The following CD200R1L variants were observed in gnomAD, a reference collection of about 807,000 sequenced individuals.
CD200R1L encodes CD200 receptor 1 like.
Under a neutral mutation model 24.8 loss-of-function variants are expected in CD200R1L, and 14 were observed. The ratio of observed to expected loss-of-function variants is 0.56; its 90% CI spans 0.37 to 0.88. The LOEUF (loss-of-function observed/expected upper bound fraction) is 0.88. CD200R1L is among the 40% of genes least tolerant of loss of function. CD200R1L has a pLI of 0.00. For missense variants in CD200R1L, 299 were observed against 297.8 expected, an observed-to-expected ratio of 1.00 and a Z score of -0.03; for synonymous variants, 111 against 109.2, an observed-to-expected ratio of 1.02 and a Z score of -0.11.
intron 3 of CD200R1L, among the ~76,000 whole-genome samples, chr3:112,830,049 A>G (rs923773727): frequency 6.6e-6 from 1 of 152,208 alleles, no homozygotes; most frequent in Non-Finnish European, 1.5e-5. Flanking sequence ...CTTTGCTGCA[A>G]CTGTCTTACA....
chr3:112,844,277 G>A (rs1208173741), intron 2 of CD200R1L, among the ~76,000 whole-genome samples: 1 of 152,016 alleles, frequency 6.6e-6, no homozygotes, highest in Admixed American at 6.6e-5. Flanking sequence ...CGTGCTCTGA[G>A]GTCAGCCACA....
Position 112,827,201 on chromosome 3 carries a change from A to G in CD200R1L, c.408T>C (p.Thr136=). Residue 136 remains threonine, a synonymous_variant, in exon 6 of 8, where the codon ACT becomes ACC. Coordinates refer to ENST00000488794, the MANE Select transcript of CD200R1L (RefSeq NM_001199215.3). ...TCCCTGTAACTGCCTTGCATACTGC[A>G]GTTATATTCCTGCTTTGAAATAGGT... The part of the protein sequence containing the change: ...EVNLFQSRNI[T]AVCKAVTGKP... 6.2e-7 allele frequency: 1 copy of G among 1,613,430 alleles called. No homozygotes were observed. The highest frequency in any genetic ancestry group is 8.5e-7 in the Non-Finnish European group (1 of 1,179,904).
intron 7 of CD200R1L, among the ~76,000 whole-genome samples, chr3:112,818,458 C>T (rs926731941): frequency 6.6e-6 from 1 of 152,228 alleles, no homozygotes; most frequent in African/African-American, 2.4e-5. Context: ...AATGCAAATA[C>T]TGCTAAAAAT....
chr3:112,816,062 T>A, intron 7 of CD200R1L, 87 bp from the exon 8 acceptor site: 1 of 739,582 alleles, frequency 1.4e-6, no homozygotes, highest in Non-Finnish European at 2.5e-6. Context: ...AACTGAGAAA[T>A]GCCTTTTAGC....
intron 3 of CD200R1L, among the ~76,000 whole-genome samples, chr3:112,830,590 G>T (rs1187895178): frequency 1.5e-5 from 2 of 136,772 alleles, no homozygotes; most frequent in African/African-American, 5.6e-5. Context: ...TATTTCCCAT[G>T]CTGTTACCAT....
intron 6 of CD200R1L, among the ~76,000 whole-genome samples, chr3:112,822,625 C>T (rs7651207): frequency 0.32 from 47,987 of 151,974 alleles, 8,552 homozygotes; most frequent in Non-Finnish European, 0.4. Context: ...CCCTATGCAT[C>T]TCTTTTTATC....
intron 7 of CD200R1L, among the ~76,000 whole-genome samples, chr3:112,817,687 G>A (rs188276234): frequency 6.6e-6 from 1 of 152,354 alleles, no homozygotes; most frequent in African/African-American, 2.4e-5. Context: ...ACACTGAGAT[G>A]TAGGGCCTGT....
chr3:112,821,046 G>A (rs1938523704), intron 6 of CD200R1L, among the ~76,000 whole-genome samples: 1 of 146,712 alleles, frequency 6.8e-6, no homozygotes, highest in Non-Finnish European at 1.5e-5. Context: ...GACAGATTGA[G>A]ACTCTGTCTC....
At chr3:112,818,487 A>G (rs920762465) in intron 7 of CD200R1L, among the ~76,000 whole-genome samples, 2 of 152,248 alleles carry the variant, frequency 1.3e-5, no homozygotes, top group Non-Finnish European at 2.9e-5. Flanking sequence ...CATTTACTCA[A>G]TAATCAGTCC....
At position 112,815,984 on chromosome 3, in the gene CD200R1L, A is replaced by T; in HGVS notation, c.741-9T>A. 1 of 780,324 alleles carries T rather than the reference A, an allele frequency of 1.3e-6. No homozygotes were observed. Among genetic ancestry groups the T allele is most frequent in the Non-Finnish European group, 2.4e-6 (1 of 417,730 alleles). The allele number at this position is 780,324 out of a possible 1,614,324, so 48.3% of individuals were successfully genotyped here. A position where few individuals can be genotyped will look rare whatever the true frequency, so the allele number is the denominator to read the frequency against. On this transcript the variant is annotated splice_polypyrimidine_tract_variant and intron_variant, in intron 7 of 7. Coordinates refer to ENST00000488794, the MANE Select transcript of CD200R1L (RefSeq NM_001199215.3). The stretch of plus-strand genomic sequence containing the variant: ...TTCTTTAAAGAACTTTTCTGAAAGT[A>T]TTACACAAGATTTGTATTTATATCT...
Position 112,821,494 on chromosome 3 carries a change from A to T in CD200R1L, c.617-1599T>A, listed in dbSNP as rs1014145183. Among the ~76,000 whole-genome samples, 6 of 152,222 alleles carry T rather than the reference A, an allele frequency of 3.9e-5. No homozygotes were observed. The East Asian group carries it at 1.2e-3, about 29-fold the overall frequency. On this transcript the variant is annotated intron_variant, in intron 6 of 7. Transcript: ENST00000488794. ...CTCTGTGTTCACCTTATCATAATTGACTATTCCTCTAATTGCTCCTTTTCT... is the reference window on the plus strand; with the variant it reads ...CTCTGTGTTCACCTTATCATAATTGTCTATTCCTCTAATTGCTCCTTTTCT...
rs201637018 is a variant in CD200R1L, at chr3:112,829,402, A to G, written c.-17-18T>C. On this transcript the variant is annotated intron_variant, in intron 3 of 7. Coordinates refer to ENST00000488794, the MANE Select transcript of CD200R1L (RefSeq NM_001199215.3). The stretch of plus-strand genomic sequence containing the variant: ...ACTTGAAGCTAGAAAACATTTAGAG[A>G]AGAATAAGCGAAATCAATTTTATGT... 1.2e-6 allele frequency: 2 copies of G among 1,607,950 alleles called. No homozygotes were observed. The highest frequency in any genetic ancestry group is 2.7e-5 in the African/African-American group (2 of 74,816).
rs1283876028 is a variant in CD200R1L at position 112,841,312 on chromosome 3, T to C, written c.-86-3302A>G. On this transcript the variant is annotated intron_variant, in intron 2 of 7. Coordinates refer to ENST00000488794, the MANE Select transcript of CD200R1L (RefSeq NM_001199215.3). Reference sequence around the variant, plus strand: ...CATTTCCACCATGATTGTAAGTTTTTTGAGGCCTCCTCAGCCATGCTTCCT... The same window carrying C: ...CATTTCCACCATGATTGTAAGTTTTCTGAGGCCTCCTCAGCCATGCTTCCT... 5 of 450,138 alleles carry C rather than the reference T, an allele frequency of 1.1e-5. No individual in the cohort carries two copies. In the Admixed American group the frequency reaches 1.2e-4, roughly 11 times the overall value. 27.9% of individuals were successfully genotyped at this position (450,138 alleles called of 1,614,324 possible). A position where few individuals can be genotyped will look rare whatever the true frequency, so the allele number is the denominator to read the frequency against.
At chr3:112,824,831 A>T (rs1938619799) in intron 6 of CD200R1L, among the ~76,000 whole-genome samples, 2 of 152,216 alleles carry the variant, frequency 1.3e-5, no homozygotes, top group African/African-American at 2.4e-5. Context: ...AAGGCAAGAG[A>T]ATATCATCCC....
chr3:112,830,342 T>G (rs997970227), intron 3 of CD200R1L, among the ~76,000 whole-genome samples: 1 of 152,030 alleles, frequency 6.6e-6, no homozygotes, highest in Non-Finnish European at 1.5e-5. Flanking sequence ...ACCCTTTCAG[T>G]GGACATCATC....
chr3:112,841,219 T>C (rs748682728), intron 2 of CD200R1L: 1 of 428,708 alleles, frequency 2.3e-6, no homozygotes, highest in South Asian at 1.8e-5. Flanking sequence ...AAGATCTGCT[T>C]GTTTAAAAGT....
At chr3:112,830,012 C>A (rs565454044) in intron 3 of CD200R1L, among the ~76,000 whole-genome samples, 2 of 152,176 alleles carry the variant, frequency 1.3e-5, no homozygotes, top group South Asian at 2.1e-4. Context: ...AATCCCCCTG[C>A]GGGGTCCAGG....
At chr3:112,824,375 T>C (rs1576087929) in intron 6 of CD200R1L, among the ~76,000 whole-genome samples, 1 of 152,142 alleles carries the variant, frequency 6.6e-6, no homozygotes, top group African/African-American at 2.4e-5. Flanking sequence ...AATATGTAAG[T>C]AGAGGTGCCC....
chr3:112,832,997 G>A (rs1938848395), intron 3 of CD200R1L, among the ~76,000 whole-genome samples: 1 of 152,198 alleles, frequency 6.6e-6, no homozygotes. Context: ...TTAATCACAT[G>A]CATTCCAGAG....
Sources: gnomAD v4.1 joint callset for allele counts (sites outside exome capture counted in the v4.1 genomes callset) on GRCh38, gnomAD v4.1.1 for gene constraint, MANE v1.5 for transcripts, NCBI Gene and HGNC (gene_info 2026-07-23, HGNC 2026-07-21) for gene names.